The following PDE4B variants were observed in gnomAD, a reference collection of about 807,000 sequenced individuals.
PDE4B encodes 3',5'-cyclic-AMP phosphodiesterase 4B.
A neutral mutation model predicts 82.2 loss-of-function variants in PDE4B; 20 were observed. The ratio of observed to expected loss-of-function variants is 0.24; its 90% CI spans 0.17 to 0.35. The LOEUF is 0.35. PDE4B is among the 10% of genes least tolerant of loss of function. The probability of loss-of-function intolerance (pLI) is 1.00; values close to 1 mark genes in which losing one functional copy is unlikely to be tolerated. For synonymous variants in PDE4B, 320 were observed against 318.9 expected (o/e 1.00, Z -0.04); for missense variants, 655 against 907.2 (o/e 0.72, Z 3.57).
chr1:66,150,080 C>G (rs1220334551), intron 3 of PDE4B, among the ~76,000 whole-genome samples: 1 of 152,134 alleles, frequency 6.6e-6, no homozygotes, highest in African/African-American at 2.4e-5. Context: ...GAGTTTATAT[C>G]TGGACTCTCA....
At chr1:66,153,998 G>A (rs1042871164) in intron 3 of PDE4B, among the ~76,000 whole-genome samples, 1 of 152,244 alleles carries the variant, frequency 6.6e-6, no homozygotes, top group Middle Eastern at 3.4e-3. Flanking sequence ...CACCTGGGAG[G>A]AATTACTAAA....
At chr1:66,130,933 A>T (rs1211139256) in intron 3 of PDE4B, among the ~76,000 whole-genome samples, 1 of 152,238 alleles carries the variant, frequency 6.6e-6, no homozygotes, top group African/African-American at 2.4e-5. Flanking sequence ...ACAAGTGAAG[A>T]ATCTGAAGTT....
At chr1:65,811,065 A>G (rs1447203557) in intron 1 of PDE4B, among the ~76,000 whole-genome samples, 1 of 152,106 alleles carries the variant, frequency 6.6e-6, no homozygotes, top group Non-Finnish European at 1.5e-5. Flanking sequence ...CCCCCTACCC[A>G]GTTGTGACAA....
chr1:66,294,726 A>G (rs1657379189), intron 7 of PDE4B, among the ~76,000 whole-genome samples: 1 of 151,916 alleles, frequency 6.6e-6, no homozygotes, highest in Non-Finnish European at 1.5e-5. Context: ...AAAAGAGGAG[A>G]AAAAAACACA....
intron 3 of PDE4B, among the ~76,000 whole-genome samples, chr1:66,215,947 G>A (rs1650421668): frequency 1.3e-5 from 2 of 152,060 alleles, no homozygotes; most frequent in Non-Finnish European, 2.9e-5. Flanking sequence ...GTATGAGATT[G>A]GAGTTTTAAA....
intron 3 of PDE4B, among the ~76,000 whole-genome samples, chr1:66,246,206 A>G (rs928673573): frequency 3.9e-5 from 6 of 152,210 alleles, no homozygotes; most frequent in Non-Finnish European, 7.4e-5. Context: ...TTTACCTCAA[A>G]TGTAGAGTAG....
At chr1:66,253,960 T>C (rs927208074) in intron 4 of PDE4B, among the ~76,000 whole-genome samples, 1 of 152,240 alleles carries the variant, frequency 6.6e-6, no homozygotes, top group Non-Finnish European at 1.5e-5. Flanking sequence ...TTAATGTTTC[T>C]TTATCTCCCT....
chr1:65,847,909 G>C (rs1571010160), intron 1 of PDE4B, among the ~76,000 whole-genome samples: 1 of 151,880 alleles, frequency 6.6e-6, no homozygotes, highest in East Asian at 1.9e-4. Flanking sequence ...GATTAATTTT[G>C]TGAATTCATA....
At chr1:65,811,875 C>A (rs1043520675) in intron 1 of PDE4B, among the ~76,000 whole-genome samples, 1 of 151,766 alleles carries the variant, frequency 6.6e-6, no homozygotes, top group Non-Finnish European at 1.5e-5. Context: ...TTGAAAGCTG[C>A]TGTTTCATTA....
chr1:65,811,846 C>A (rs6675417), intron 1 of PDE4B, among the ~76,000 whole-genome samples: 86,080 of 151,834 alleles, frequency 0.57, 26,536 homozygotes, highest in East Asian at 0.92. Flanking sequence ...AAAAAAATTT[C>A]TTGTCTGCCT....
chr1:65,874,917 A>C (rs1240655102), intron 1 of PDE4B, among the ~76,000 whole-genome samples: 2 of 152,270 alleles, frequency 1.3e-5, no homozygotes, highest in South Asian at 2.1e-4. Context: ...AAAACACCAA[A>C]AGCAATGGCA....
chr1:66,255,379 C>T (rs1376807782), intron 4 of PDE4B, among the ~76,000 whole-genome samples: 1 of 152,168 alleles, frequency 6.6e-6, no homozygotes, highest in Admixed American at 6.5e-5. Flanking sequence ...TAAGCCACCA[C>T]GCCCAGCCTG....
chr1:66,303,367 A>G (rs1234129400), intron 7 of PDE4B, among the ~76,000 whole-genome samples: 1 of 151,714 alleles, frequency 6.6e-6, no homozygotes, highest in African/African-American at 2.4e-5. Flanking sequence ...ATATATATAT[A>G]TATACACACA....
intron 3 of PDE4B, among the ~76,000 whole-genome samples, chr1:66,155,334 C>T (rs1646481738): frequency 6.6e-6 from 1 of 152,040 alleles, no homozygotes. Flanking sequence ...CTTCTGCCTA[C>T]CTACAATTTC....
intron 1 of PDE4B, among the ~76,000 whole-genome samples, chr1:65,855,691 C>T (rs1557781000): frequency 6.6e-6 from 1 of 152,116 alleles, no homozygotes; most frequent in African/African-American, 2.4e-5. Flanking sequence ...CTGGAGCCCC[C>T]GCTTTTTCCT....
At chr1:66,136,210 A>C (rs1646051967) in intron 3 of PDE4B, among the ~76,000 whole-genome samples, 1 of 152,146 alleles carries the variant, frequency 6.6e-6, no homozygotes. Context: ...TTCTACTTTA[A>C]GTTCTGCTCA....
At chr1:66,310,289 G>C (rs1295833336) in intron 7 of PDE4B, among the ~76,000 whole-genome samples, 1 of 152,200 alleles carries the variant, frequency 6.6e-6, no homozygotes, top group East Asian at 1.9e-4. Flanking sequence ...TTCTTTTAGA[G>C]TGAGCTGGTG....
chr1:66,363,052 T>C, intron 10 of PDE4B, 116 bp from the exon 11 acceptor site: 1 of 684,904 alleles, frequency 1.5e-6, no homozygotes, highest in Non-Finnish European at 2.5e-6. Context: ...ACTAAAGCAC[T>C]CTAAGGAGAC....
At chr1:66,352,664 T>A (rs1235860250) in intron 8 of PDE4B, among the ~76,000 whole-genome samples, 1 of 152,208 alleles carries the variant, frequency 6.6e-6, no homozygotes, top group African/African-American at 2.4e-5. Context: ...TATCTATTCC[T>A]ACTAGAATGA....
Sources: gnomAD v4.1 joint callset for allele counts (sites outside exome capture counted in the v4.1 genomes callset) on GRCh38, gnomAD v4.1.1 for gene constraint, MANE v1.5 for transcripts, NCBI Gene and HGNC (gene_info 2026-07-23, HGNC 2026-07-21) for gene names.